AMT: variants seen among roughly 807,000 people sequenced by gnomAD.
The protein encoded by AMT is aminomethyltransferase.
In AMT, 24 loss-of-function variants were observed where a neutral mutation model predicts 39.5. The ratio of observed to expected loss-of-function variants is 0.61; its 90% CI spans 0.44 to 0.86. The LOEUF is 0.86. Ranked by LOEUF, AMT falls within the 40% of genes least tolerant of loss-of-function variation. AMT has a pLI of 0.00. For synonymous variants in AMT, 210 were observed against 212.1 expected (o/e 0.99, Z 0.09); for missense variants, 501 against 537.0 (o/e 0.93, Z 0.66).
chr3:49,417,709 GT>G lies in AMT; in HGVS notation c.1042del (p.Thr348LeufsTer9). Reference protein sequence around the residue: ...NMEGTKIGTVTSGCPSPSLKK... With the variant: ...NMEGTKIGTVXSGCPSPSLKK... The stretch of plus-strand genomic sequence containing the variant: ...CAGAGAGGGGGAGGGGCAGCCACTA[GT>G]CACAGTACCTGTCAAGCAAGCATAA... On this transcript the variant is annotated frameshift_variant, in exon 9 of 9. Coordinates refer to ENST00000273588, the MANE Select transcript of AMT (RefSeq NM_000481.4). LOFTEE classifies it high-confidence loss of function. The G allele has an allele frequency of 6.2e-7, 1 of 1,613,976 alleles. No homozygotes were observed. Among genetic ancestry groups the G allele is most frequent in the Non-Finnish European group, 8.5e-7 (1 of 1,180,014 alleles).
At chr3:49,418,838 T>A in intron 7 of AMT, 133 bp downstream of exon 7, 1 of 962,862 alleles carries the variant, frequency 1.0e-6, no homozygotes, top group Non-Finnish European at 1.6e-6. Flanking sequence ...AAAGGCACAG[T>A]GGCACCTTCA....
At chr3:49,419,962 G>C in intron 4 of AMT, 174 bp from the exon 5 acceptor site, 1 of 805,370 alleles carries the variant, frequency 1.2e-6, no homozygotes. Context: ...CTAAGTGATA[G>C]AGATGACCCA....
intron 7 of AMT, chr3:49,418,187 CTTTT>C (rs71080510): frequency 3.7e-5 from 19 of 510,976 alleles, no homozygotes; most frequent in East Asian, 6.9e-5. Context: ...TCTTCAGTTT[CTTTT>C]TTTTTTTTTT....
chr3:49,417,433 A>G lies in AMT; in HGVS notation c.*107T>C, dbSNP rs748171574. On this transcript the variant is annotated 3_prime_UTR_variant, in exon 9 of 9. Coordinates refer to ENST00000273588, the MANE Select transcript of AMT (RefSeq NM_000481.4). ...GCCCCTCAACCAGACAATTAGAATCAGCCTCCACCTTAACTGCCCACCCCC... is the reference window on the plus strand; with the variant it reads ...GCCCCTCAACCAGACAATTAGAATCGGCCTCCACCTTAACTGCCCACCCCC... 27 of 1,612,826 alleles carry G rather than the reference A, an allele frequency of 1.7e-5. No homozygotes were observed. In the Admixed American group the frequency reaches 4.3e-4, roughly 26 times the overall value.
chr3:49,417,757 G>A, intron 8 of AMT, 39 bp from the exon 9 acceptor site: 1 of 1,613,984 alleles, frequency 6.2e-7, no homozygotes. Flanking sequence ...GCACCACCCT[G>A]CCAGTGCCCC....
In AMT at chr3:49,417,860, G is replaced by A. The variant is rs541011963; in HGVS notation, c.991C>T (p.Arg331Trp). The change falls in exon 8 of 9, where the codon CGG (arginine) becomes TGG (tryptophan). Residue 331 changes from arginine (R) to tryptophan (W), a missense_variant. Coordinates refer to ENST00000273588, the MANE Select transcript of AMT (RefSeq NM_000481.4). ...ATGTTCAGGATGGGACTGTGTGCCC[G>A]CATGGGGGCCCCCTCACACATCAAC... is the stretch of plus-strand genomic sequence containing the variant. ...VGLMCEGAPM[R>W]AHSPILNMEG... 2.6e-5 allele frequency: 42 copies of A among 1,613,858 alleles called. No homozygotes were observed. Among genetic ancestry groups the A allele is most frequent in the East Asian group, 8.9e-5 (4 of 44,900 alleles).
At chr3:49,421,124 C>T (rs528073422) in intron 3 of AMT, 8 of 310,374 alleles carry the variant, frequency 2.6e-5, no homozygotes, top group South Asian at 5.9e-5. Flanking sequence ...AGGCTGGTCT[C>T]GAACTCCTGA....
In AMT at chr3:49,418,105, C is replaced by A. The variant is rs569805528; in HGVS notation, c.878-132G>T. ...TGCTTGGGCTACTCCAGGCTCTATT[C>A]CTCCCTTCACTGCCGTCAGCCAACC... On this transcript the variant is annotated intron_variant, in intron 7 of 8. Transcript: ENST00000273588. 42 of 1,201,302 alleles carry A rather than the reference C, an allele frequency of 3.5e-5. 1 individual carries two copies. The East Asian group carries it at 1.0e-3, about 30-fold the overall frequency. 74.4% of individuals were successfully genotyped at this position (1,201,302 alleles called of 1,614,324 possible).
At chr3:49,419,674 CAAAGG>C (rs765356994) in intron 5 of AMT, 31 bp downstream of exon 5, 4 of 1,606,638 alleles carry the variant, frequency 2.5e-6, no homozygotes, top group Non-Finnish European at 3.4e-6. Context: ...GCCAGGAAGG[CAAAGG>C]TTGGCTCCAA....
At chr3:49,420,185 G>A in intron 4 of AMT, 26 bp downstream of exon 4, 1 of 1,614,082 alleles carries the variant, frequency 6.2e-7, no homozygotes, top group Non-Finnish European at 8.5e-7. Flanking sequence ...GGAAGACAAG[G>A]TGTCTAGAAC....
chr3:49,417,528 C>T lies in AMT; in HGVS notation c.*12G>A. The T allele has an allele frequency of 6.2e-7, 1 of 1,614,198 alleles. No individual in the cohort carries two copies. The highest frequency in any genetic ancestry group is 8.5e-7 in the Non-Finnish European group (1 of 1,180,034). On this transcript the variant is annotated 3_prime_UTR_variant, in exon 9 of 9. Transcript: ENST00000273588. ...AAACTCCTGGAAGGGACAGCCCCAC[C>T]CTGAGCCAGCTTCACTTGAGGGTAT...
intron 7 of AMT, chr3:49,418,490 G>GTTTGTT (rs1338075083): frequency 1.1e-5 from 1 of 89,414 alleles, no homozygotes; most frequent in East Asian, 8.6e-4. Context: ...AGCATCTTCA[G>GTTTGTT]TTTCTTTTTT....
Position 49,420,347 on chromosome 3 carries a change from G to T in AMT, c.340-5C>A. On this transcript the variant is annotated splice_polypyrimidine_tract_variant and splice_region_variant and intron_variant, in intron 3 of 8. Transcript: ENST00000273588. The stretch of plus-strand genomic sequence containing the variant: ...GGTAAACAGCGACAGTGTCCCCTAG[G>T]ACCAAAGTGGAGCGTTTTGGCTTCC... 1.2e-6 allele frequency: 2 copies of T among 1,614,060 alleles called. No homozygotes were observed. The highest frequency in any genetic ancestry group is 2.2e-5 in the South Asian group (2 of 91,074).
At position 49,422,088 on chromosome 3, in the gene AMT, T is replaced by TGCTCCCCTG; in HGVS notation, c.258+7_258+15dup. On this transcript the variant is annotated intron_variant, in intron 2 of 8. Coordinates refer to ENST00000273588, the MANE Select transcript of AMT (RefSeq NM_000481.4). Reference sequence around the variant, plus strand: ...GGAAGGCCTGATCAGATGGCCAGTGTGCTCCCCTGGCTCACCTGCAGCATA... The same window carrying TGCTCCCCTG: ...GGAAGGCCTGATCAGATGGCCAGTGTGCTCCCCTGGCTCCCCTGGCTCACCTGCAGCATA... 1 of 1,613,296 alleles carries TGCTCCCCTG rather than the reference T, an allele frequency of 6.2e-7. No homozygotes were observed. The highest frequency in any genetic ancestry group is 8.5e-7 in the Non-Finnish European group (1 of 1,180,002).
In AMT at chr3:49,421,485, G is replaced by A. The variant is rs1559529989; in HGVS notation, c.339+7C>T. On this transcript the variant is annotated splice_region_variant and intron_variant, in intron 3 of 8. Coordinates refer to ENST00000273588, the MANE Select transcript of AMT (RefSeq NM_000481.4). ...AAAACTCATAGAGCAGAAATAAAAGGGCCCACCTGGTTTGGTCTTAGCTCT... is the reference window on the plus strand; with the variant it reads ...AAAACTCATAGAGCAGAAATAAAAGAGCCCACCTGGTTTGGTCTTAGCTCT... The A allele has an allele frequency of 6.2e-7, 1 of 1,612,816 alleles. No individual in the cohort carries two copies.
rs2049011129 is a variant in AMT at position 49,417,095 on chromosome 3, A to C, written c.*445T>G. On this transcript the variant is annotated 3_prime_UTR_variant, in exon 9 of 9. Transcript: ENST00000273588. ...AGTAAGGACAATTTGCATTTACGGA[A>C]AGCAAACTGGAGGGGGTAGCCTAAG... 4 of 704,192 alleles carry C rather than the reference A, an allele frequency of 5.7e-6. No individual in the cohort carries two copies. The highest frequency in any genetic ancestry group is 1.0e-5 in the Non-Finnish European group (4 of 394,696). 43.6% of individuals were successfully genotyped at this position (704,192 alleles called of 1,614,324 possible). A position where few individuals can be genotyped will look rare whatever the true frequency, so the allele number is the denominator to read the frequency against.
intron 7 of AMT, 115 bp from the exon 8 acceptor site, chr3:49,418,088 C>T (rs1490451340): frequency 7.5e-6 from 10 of 1,334,854 alleles, no homozygotes; most frequent in Non-Finnish European, 2.1e-6. Flanking sequence ...TTTGCTTGGG[C>T]TACTCCAGGC....
At position 49,417,650 on chromosome 3, in the gene AMT, C is replaced by T. The variant is rs373140736; in HGVS notation, c.1102G>A (p.Glu368Lys). Residue 368 changes from glutamate (E) to lysine (K), a missense_variant, in exon 9 of 9, where the codon GAG (glutamate) becomes AAG (lysine). Coordinates refer to ENST00000273588, the MANE Select transcript of AMT (RefSeq NM_000481.4). ...KNVAMGYVPCEYSRPGTMLLV... is the reference protein window; with the variant it reads ...KNVAMGYVPCKYSRPGTMLLV... Reference sequence around the variant, plus strand: ...AGCATTGTCCCTGGACGACTGTACTCGCAGGGCACATAACCCATCGCCACA... The same window carrying T: ...AGCATTGTCCCTGGACGACTGTACTTGCAGGGCACATAACCCATCGCCACA... 18 of 1,614,028 alleles carry T rather than the reference C, an allele frequency of 1.1e-5. No homozygotes were observed. The highest frequency in any genetic ancestry group is 2.2e-5 in the East Asian group (1 of 44,898).
chr3:49,421,937 C>G, intron 2 of AMT, 167 bp downstream of exon 2: 4 of 932,908 alleles, frequency 4.3e-6, no homozygotes, highest in Non-Finnish European at 6.8e-6. Context: ...ACCCTCTGAG[C>G]TCATTTCCTT....
Sources: allele counts gnomAD v4.1 joint callset, GRCh38; gene constraint gnomAD v4.1.1; transcripts MANE v1.5; gene names NCBI Gene and HGNC (gene_info 2026-07-23, HGNC 2026-07-21).